CYP19A1: variants seen among roughly 807,000 people sequenced by gnomAD.
CYP19A1 encodes cytochrome P450 family 19 subfamily A member 1.
Under a neutral mutation model 44.4 loss-of-function variants are expected in CYP19A1, and 32 were observed. That is an observed-to-expected ratio of 0.72 (90% CI 0.54 to 0.97). The LOEUF is 0.97. CYP19A1 is among the 50% of genes least tolerant of loss of function. The pLI, the probability that CYP19A1 is intolerant of heterozygous loss-of-function variation, is 0.00. For missense variants in CYP19A1, 598 were observed against 637.8 expected, an observed-to-expected ratio of 0.94 and a Z score of 0.67; for synonymous variants, 212 against 215.6, an observed-to-expected ratio of 0.98 and a Z score of 0.14.
At chr15:51,250,161 C>T (rs982887532) in intron 1 of CYP19A1, among the ~76,000 whole-genome samples, 15 of 152,202 alleles carry the variant, frequency 9.9e-5, no homozygotes, top group Non-Finnish European at 1.6e-4. Flanking sequence ...TAGGGTTTTA[C>T]CCACATAGGG....
At chr15:51,293,231 AAC>A (rs2035888793) in intron 1 of CYP19A1, among the ~76,000 whole-genome samples, 10 of 152,132 alleles carry the variant, frequency 6.6e-5, no homozygotes, top group African/African-American at 2.2e-4. Context: ...CATGTAACCA[AAC>A]ACCACCTGTT....
At position 51,218,603 on chromosome 15, in the gene CYP19A1, G is replaced by C. The variant is rs763732916; in HGVS notation, c.681C>G (p.Leu227=). The part of the protein sequence containing the change: ...IQGYFDAWQA[L]LIKPDIFFKI... ...TAAAGAAGATGTCTGGTTTGATGAG[G>C]AGAGCTTGCCATGCATCAAAATAAC... Residue 227 remains leucine (L), a synonymous_variant, in exon 6 of 10, where the codon CTC becomes CTG. Coordinates refer to ENST00000396402, the MANE Select transcript of CYP19A1 (RefSeq NM_000103.4). 3.1e-6 allele frequency: 5 copies of C among 1,613,846 alleles called. No individual in the cohort carries two copies. In the South Asian group the frequency reaches 5.5e-5, roughly 18 times the overall value.
intron 1 of CYP19A1, among the ~76,000 whole-genome samples, chr15:51,327,192 G>C (rs1400580341): frequency 6.6e-6 from 1 of 152,226 alleles, no homozygotes; most frequent in African/African-American, 2.4e-5. Flanking sequence ...GCCAATGGGT[G>C]ATCCATGGTG....
intron 1 of CYP19A1, among the ~76,000 whole-genome samples, chr15:51,246,060 C>G (rs1438889758): frequency 2.0e-5 from 3 of 152,156 alleles, no homozygotes; most frequent in Non-Finnish European, 4.4e-5. Context: ...CTTTATGGAC[C>G]TCTGAATGCC....
chr15:51,272,505 T>C (rs925031034), intron 1 of CYP19A1, among the ~76,000 whole-genome samples: 1 of 152,158 alleles, frequency 6.6e-6, no homozygotes, highest in African/African-American at 2.4e-5. Flanking sequence ...ATCTGGAAAA[T>C]GGTGCTCAGA....
chr15:51,265,147 C>G (rs1296191544), intron 1 of CYP19A1, among the ~76,000 whole-genome samples: 1 of 152,224 alleles, frequency 6.6e-6, no homozygotes, highest in Non-Finnish European at 1.5e-5. Context: ...GCACACTGCC[C>G]CGTTTGGGCC....
In CYP19A1 at chr15:51,208,713, A is replaced by C. The variant is rs2030629375; in HGVS notation, c.*2095T>G. The C allele has an allele frequency of 6.6e-6, 1 of 151,662 alleles. No homozygotes were observed. The highest frequency in any genetic ancestry group is 1.5e-5 in the Non-Finnish European group (1 of 67,868). The allele number at this position is 151,662 out of a possible 1,614,324, so 9.4% of individuals were successfully genotyped here. A position where few individuals can be genotyped will look rare whatever the true frequency, so the allele number is the denominator to read the frequency against. ...GAGTTTGCTTGGATCGTTCAAACCA[A>C]CACTTCTCCTCTTCCTGTCCCTCCC... On this transcript the variant is annotated 3_prime_UTR_variant, in exon 10 of 10. Coordinates refer to ENST00000396402, the MANE Select transcript of CYP19A1 (RefSeq NM_000103.4).
At chr15:51,224,468 AC>A (rs2032406644) in intron 4 of CYP19A1, among the ~76,000 whole-genome samples, 1 of 152,108 alleles carries the variant, frequency 6.6e-6, no homozygotes, top group South Asian at 2.1e-4. Context: ...TTTTGTAGAA[AC>A]CCTGATCTTG....
At chr15:51,261,786 C>A (rs964842019) in intron 1 of CYP19A1, among the ~76,000 whole-genome samples, 3 of 152,100 alleles carry the variant, frequency 2.0e-5, no homozygotes, top group Non-Finnish European at 4.4e-5. Flanking sequence ...TGGGGCAGGT[C>A]CTCCCAGGGA....
intron 1 of CYP19A1, among the ~76,000 whole-genome samples, chr15:51,255,332 G>A (rs1036783723): frequency 2.0e-5 from 3 of 152,176 alleles, no homozygotes; most frequent in African/African-American, 7.2e-5. Flanking sequence ...TGAAGGGAGG[G>A]TAGCCCCAGT....
intron 1 of CYP19A1, among the ~76,000 whole-genome samples, chr15:51,246,239 C>T (rs114596456): frequency 0.011 from 1,603 of 152,238 alleles, 36 homozygotes; most frequent in African/African-American, 0.037. Flanking sequence ...CATGTCCCCT[C>T]GGCCAGTAAT....
At chr15:51,333,552 T>G (rs1157213464) in intron 1 of CYP19A1, among the ~76,000 whole-genome samples, 6 of 152,226 alleles carry the variant, frequency 3.9e-5, no homozygotes, top group Admixed American at 3.9e-4. Flanking sequence ...CAGTTTGACC[T>G]AAAAAGTCAC....
intron 2 of CYP19A1, among the ~76,000 whole-genome samples, chr15:51,239,863 C>A (rs36075041): frequency 1.1e-4 from 17 of 152,138 alleles, no homozygotes; most frequent in Admixed American, 7.9e-4. Context: ...TTTTCTCCCC[C>A]CTAGTTCCCT....
chr15:51,311,126 A>C (rs896440601), intron 1 of CYP19A1, among the ~76,000 whole-genome samples: 1 of 152,224 alleles, frequency 6.6e-6, no homozygotes, highest in Non-Finnish European at 1.5e-5. Flanking sequence ...CCAGGAAAAC[A>C]TGACCAGTTC....
rs57921193 is a variant in CYP19A1, at chr15:51,227,672, CAATA to C, written c.451+103_451+106del. The C allele has an allele frequency of 1.1e-3, 293 of 256,042 alleles. 1 individual carries two copies. Among genetic ancestry groups the C allele is most frequent in the East Asian group, 2.9e-3 (32 of 10,856 alleles). 15.9% of individuals were successfully genotyped at this position (256,042 alleles called of 1,614,324 possible). On this transcript the variant is annotated intron_variant, in intron 4 of 9. Transcript: ENST00000396402. ...TGGGTGATAGAGTCAGAGCCTGTCT[CAATA>C]AATAAATAAATAAATAAATAAATAA... is the stretch of plus-strand genomic sequence containing the variant.
At chr15:51,334,684 A>G (rs76295677) in intron 1 of CYP19A1, among the ~76,000 whole-genome samples, 7,148 of 152,320 alleles carry the variant, frequency 0.047, 561 homozygotes, top group African/African-American at 0.16. Context: ...ACAGCCTGTC[A>G]CGGTTACAAT....
chr15:51,223,601 A>T (rs941255789), intron 4 of CYP19A1, among the ~76,000 whole-genome samples: 54 of 140,884 alleles, frequency 3.8e-4, no homozygotes, highest in Admixed American at 6.2e-4. Context: ...TCTCACACAC[A>T]CACACACACA....
chr15:51,335,772 C>A (rs141853734), intron 1 of CYP19A1, among the ~76,000 whole-genome samples: 2 of 152,172 alleles, frequency 1.3e-5, no homozygotes, highest in South Asian at 2.1e-4. Context: ...CCCACACACA[C>A]GTAAAACTCC....
In CYP19A1 at chr15:51,324,607, A is replaced by G. The variant is rs28757078; in HGVS notation, c.-39+13888T>C. ...GCAATAAAATAATATAAACTAAAAC[A>G]TAATTATTAGCCAAAAATAAAAGGC... On this transcript the variant is annotated intron_variant, in intron 1 of 9. Transcript: ENST00000396402. Among the ~76,000 whole-genome samples, 2,439 of 152,394 alleles carry G rather than the reference A, an allele frequency of 0.016. 198 individuals carry two copies. The East Asian group carries it at 0.26, about 16-fold the overall frequency.
Sources: gnomAD v4.1 joint callset for allele counts (sites outside exome capture counted in the v4.1 genomes callset) on GRCh38, gnomAD v4.1.1 for gene constraint, MANE v1.5 for transcripts, NCBI Gene and HGNC (gene_info 2026-07-23, HGNC 2026-07-21) for gene names.